CNTN4: variants seen among roughly 807,000 people sequenced by gnomAD.
CNTN4 encodes contactin 4.
CNTN4 carries 77 observed loss-of-function variants against 122.5 expected under a neutral mutation model. The ratio of observed to expected loss-of-function variants is 0.63; its 90% confidence interval spans 0.52 to 0.76. The LOEUF (loss-of-function observed/expected upper bound fraction) is 0.76, where lower values mean the gene tolerates loss of function less well. CNTN4 is among the 30% of genes least tolerant of loss of function. The pLI is 0.00. For missense variants in CNTN4, 1,256 were observed against 1,259.1 expected, an observed-to-expected ratio of 1.00 and a Z score of 0.04; for synonymous variants, 512 against 447.0, an observed-to-expected ratio of 1.15 and a Z score of -1.83.
intron 3 of CNTN4, among the ~76,000 whole-genome samples, chr3:2,521,115 C>G (rs970466978): frequency 3.3e-5 from 5 of 152,078 alleles, no homozygotes; most frequent in Non-Finnish European, 5.9e-5. Context: ...CCCAGCTGAA[C>G]ATACTTCTGT....
rs568384252 is a variant in CNTN4 at position 2,738,697 on chromosome 3, G to A, written c.182+2356G>A. Reference sequence around the variant, plus strand: ...ATTTTTAAAAGATGTACTAGACAATGGATTGTCTATATGGTTAAAGAAATA... The same window carrying A: ...ATTTTTAAAAGATGTACTAGACAATAGATTGTCTATATGGTTAAAGAAATA... On this transcript the variant is annotated intron_variant, in intron 5 of 24. Coordinates refer to ENST00000418658, the MANE Select transcript of CNTN4 (RefSeq NM_175607.3). 2.8e-4 allele frequency among the ~76,000 whole-genome samples: 43 copies of A among 152,222 alleles called. No homozygotes were observed. In the South Asian group the frequency reaches 7.7e-3, roughly 27 times the overall value.
At chr3:2,203,135 C>A (rs1296423717) in intron 2 of CNTN4, among the ~76,000 whole-genome samples, 5 of 151,934 alleles carry the variant, frequency 3.3e-5, no homozygotes, top group Non-Finnish European at 5.9e-5. Context: ...TGCCTGGCCA[C>A]AATTACAATT....
At chr3:2,189,455 A>T (rs896862698) in intron 2 of CNTN4, among the ~76,000 whole-genome samples, 1 of 152,170 alleles carries the variant, frequency 6.6e-6, no homozygotes, top group Non-Finnish European at 1.5e-5. Flanking sequence ...GATTGAGTTA[A>T]CGTGGTATAT....
chr3:2,650,582 T>C (rs570860246), intron 4 of CNTN4, among the ~76,000 whole-genome samples: 175 of 152,242 alleles, frequency 1.1e-3, no homozygotes, highest in Non-Finnish European at 1.9e-3. Context: ...TGCAGCAAAC[T>C]TCAATGTTGT....
chr3:2,652,787 G>A (rs1194441102), intron 4 of CNTN4, among the ~76,000 whole-genome samples: 1 of 152,078 alleles, frequency 6.6e-6, no homozygotes, highest in Non-Finnish European at 1.5e-5. Context: ...CATCGTAGAC[G>A]TGTGGTCGCT....
intron 4 of CNTN4, among the ~76,000 whole-genome samples, chr3:2,677,234 T>G (rs1173865150): frequency 6.7e-6 from 1 of 150,148 alleles, no homozygotes; most frequent in East Asian, 1.9e-4. Context: ...TATAGAGAGA[T>G]CTATATACCT....
intron 2 of CNTN4, among the ~76,000 whole-genome samples, chr3:2,224,210 G>T (rs1441311565): frequency 1.3e-5 from 2 of 152,088 alleles, no homozygotes; most frequent in African/African-American, 4.8e-5. Context: ...TATATTTTAG[G>T]GTGGCACATT....
At chr3:2,620,029 C>T (rs962176166) in intron 4 of CNTN4, among the ~76,000 whole-genome samples, 2 of 151,872 alleles carry the variant, frequency 1.3e-5, no homozygotes, top group East Asian at 3.9e-4. Flanking sequence ...TAGTAATATA[C>T]TCTGTCCCAG....
chr3:2,687,711 C>A (rs2085508757), intron 4 of CNTN4, among the ~76,000 whole-genome samples: 1 of 152,140 alleles, frequency 6.6e-6, no homozygotes, highest in African/African-American at 2.4e-5. Flanking sequence ...TCCTGCTGAT[C>A]ATTCAGTCAA....
chr3:2,690,909 C>A (rs893736996), intron 4 of CNTN4, among the ~76,000 whole-genome samples: 3 of 152,114 alleles, frequency 2.0e-5, no homozygotes, highest in Non-Finnish European at 4.4e-5. Context: ...GTAACAAAAA[C>A]CCTTGCCCCA....
chr3:2,325,456 C>A (rs1208418273), intron 2 of CNTN4, among the ~76,000 whole-genome samples: 5 of 152,134 alleles, frequency 3.3e-5, no homozygotes, highest in Non-Finnish European at 7.3e-5. Context: ...TTAGCATTCT[C>A]CCTAATTTTA....
chr3:2,312,452 A>G (rs1348851909), intron 2 of CNTN4, among the ~76,000 whole-genome samples: 1 of 152,138 alleles, frequency 6.6e-6, no homozygotes, highest in African/African-American at 2.4e-5. Flanking sequence ...TCACTAAGCA[A>G]ATCTTGCTGG....
At chr3:2,542,105 C>A (rs1162608148) in intron 3 of CNTN4, among the ~76,000 whole-genome samples, 1 of 152,110 alleles carries the variant, frequency 6.6e-6, no homozygotes, top group African/African-American at 2.4e-5. Context: ...TCTGCCACCA[C>A]ATTAGAGGCA....
chr3:2,661,938 C>A (rs1347437072), intron 4 of CNTN4, among the ~76,000 whole-genome samples: 1 of 151,780 alleles, frequency 6.6e-6, no homozygotes, highest in African/African-American at 2.4e-5. Context: ...AAACACAGAA[C>A]CCAACCCCCT....
intron 2 of CNTN4, among the ~76,000 whole-genome samples, chr3:2,141,502 C>A (rs1453231396): frequency 1.3e-5 from 2 of 152,092 alleles, no homozygotes; most frequent in African/African-American, 4.8e-5. Flanking sequence ...AATTGTAGCC[C>A]AGTGAGACCC....
intron 6 of CNTN4, among the ~76,000 whole-genome samples, chr3:2,807,098 T>C (rs2092485644): frequency 6.6e-6 from 1 of 152,170 alleles, no homozygotes; most frequent in African/African-American, 2.4e-5. Context: ...TCTAAAACAG[T>C]GGCTGGCATC....
At chr3:2,722,735 C>T (rs17019404) in intron 4 of CNTN4, among the ~76,000 whole-genome samples, 2 of 152,108 alleles carry the variant, frequency 1.3e-5, no homozygotes, top group Non-Finnish European at 2.9e-5. Flanking sequence ...GTGCATGCCA[C>T]TTTACCTTAT....
At chr3:2,787,022 AT>A (rs2091856025) in intron 6 of CNTN4, among the ~76,000 whole-genome samples, 1 of 152,200 alleles carries the variant, frequency 6.6e-6, no homozygotes, top group South Asian at 2.1e-4. Flanking sequence ...TAGTTGGTTC[AT>A]GCTATGAACA....
chr3:2,579,670 G>A (rs535306375), intron 4 of CNTN4, among the ~76,000 whole-genome samples: 161 of 152,240 alleles, frequency 1.1e-3, no homozygotes, highest in Middle Eastern at 3.4e-3. Flanking sequence ...TGATTAATGA[G>A]CTATTATTCA....
Sources: gnomAD v4.1 joint callset for allele counts (sites outside exome capture counted in the v4.1 genomes callset) on GRCh38, gnomAD v4.1.1 for gene constraint, MANE v1.5 for transcripts, NCBI Gene and HGNC (gene_info 2026-07-23, HGNC 2026-07-21) for gene names.